The following CSMD1 variants were observed in gnomAD, a reference collection of about 807,000 sequenced individuals.
CSMD1 encodes the protein CUB and Sushi multiple domains 1, also known as CUB and sushi domain-containing protein 1.
Under a neutral mutation model 417.5 loss-of-function variants are expected in CSMD1, and 213 were observed. The ratio of observed to expected loss-of-function variants is 0.51; its 90% CI spans 0.46 to 0.57. The LOEUF (loss-of-function observed/expected upper bound fraction) is 0.57. Ranked by LOEUF, CSMD1 falls within the 20% of genes least tolerant of loss-of-function variation. The pLI is 0.00. For synonymous variants in CSMD1, 2,862 were observed against 1,736.8 expected (o/e 1.65, Z -16.11); for missense variants, 6,923 against 4,529.7 (o/e 1.53, Z -15.17).
At chr8:3,265,135 G>C (rs191274261) in intron 26 of CSMD1, among the ~76,000 whole-genome samples, 142 of 152,200 alleles carry the variant, frequency 9.3e-4, no homozygotes, top group African/African-American at 3.3e-3. Context: ...TATTAGAGCA[G>C]AGATATTAAA....
chr8:3,403,701 T>C (rs1038433788), intron 15 of CSMD1, among the ~76,000 whole-genome samples: 3 of 152,296 alleles, frequency 2.0e-5, no homozygotes, highest in African/African-American at 7.2e-5. Flanking sequence ...TTCTTTCTCC[T>C]GAAAATTCAT....
At position 4,907,570 on chromosome 8, in the gene CSMD1, G is replaced by A. The variant is rs117404406; in HGVS notation, c.85+86762C>T. On this transcript the variant is annotated intron_variant, in intron 1 of 69. Transcript: ENST00000635120. ...TGTTTCTTTTTGTTGTTGTTTTATT[G>A]GTTTTTTGAGACAGGTTTTCACTCT... is the stretch of plus-strand genomic sequence containing the variant. Among the ~76,000 whole-genome samples the A allele has an allele frequency of 2.1e-3, 316 of 151,942 alleles. 9 individuals are homozygous for A. In the East Asian group the frequency reaches 0.027, roughly 13 times the overall value.
intron 3 of CSMD1, among the ~76,000 whole-genome samples, chr8:4,094,343 G>C (rs984072436): frequency 1.3e-5 from 2 of 152,140 alleles, no homozygotes; most frequent in Non-Finnish European, 2.9e-5. Flanking sequence ...AGGTGGCTGT[G>C]AGCTGGACTC....
At chr8:3,233,230 T>C (rs1798949439) in intron 26 of CSMD1, among the ~76,000 whole-genome samples, 1 of 152,118 alleles carries the variant, frequency 6.6e-6, no homozygotes, top group Non-Finnish European at 1.5e-5. Context: ...TAAGAGGTGA[T>C]TGTATTAATC....
rs141354561 is a variant in CSMD1, at chr8:3,490,629, C to A, written c.1448+2994G>T. ...AAGTTTATTATACATATTTTATAGC[C>A]AGGAAAAGACAGGCAGAGAGAAGGA... On this transcript the variant is annotated intron_variant, in intron 11 of 69. Transcript: ENST00000635120. 1.7e-3 allele frequency among the ~76,000 whole-genome samples: 255 copies of A among 152,066 alleles called. 2 individuals carry two copies. Among genetic ancestry groups the A allele is most frequent in the African/African-American group, 5.5e-3 (228 of 41,470 alleles).
chr8:3,915,002 T>C (rs1317929246), intron 5 of CSMD1, among the ~76,000 whole-genome samples: 3 of 152,122 alleles, frequency 2.0e-5, no homozygotes, highest in African/African-American at 4.8e-5. Context: ...TTCACACACA[T>C]ACAAGTGTTC....
Position 4,139,647 on chromosome 8 carries a change from T to C in CSMD1, c.416-107548A>G, listed in dbSNP as rs1264105974. Among the ~76,000 whole-genome samples the C allele has an allele frequency of 3.3e-5, 5 of 151,116 alleles. 1 individual carries two copies. The highest frequency in any genetic ancestry group is 1.2e-4 in the African/African-American group (5 of 40,458). The stretch of plus-strand genomic sequence containing the variant: ...CATTTGGAATAGTGGGACCAGCAGA[T>C]GCAAGGGCAAAGGGATGCCAAACAG... On this transcript the variant is annotated intron_variant, in intron 3 of 69. Coordinates refer to ENST00000635120, the MANE Select transcript of CSMD1 (RefSeq NM_033225.6).
At chr8:4,449,053 C>T (rs933599774) in intron 2 of CSMD1, among the ~76,000 whole-genome samples, 3 of 152,184 alleles carry the variant, frequency 2.0e-5, no homozygotes, top group African/African-American at 4.8e-5. Context: ...AAAAGGCCCA[C>T]AGAAGGATGC....
intron 2 of CSMD1, among the ~76,000 whole-genome samples, chr8:4,601,251 T>C (rs1203918831): frequency 6.6e-6 from 1 of 152,198 alleles, no homozygotes; most frequent in African/African-American, 2.4e-5. Flanking sequence ...CCACCGCACC[T>C]GGCCAGATTT....
chr8:3,740,344 G>A (rs1259369484), intron 6 of CSMD1, among the ~76,000 whole-genome samples: 1 of 152,164 alleles, frequency 6.6e-6, no homozygotes, highest in Non-Finnish European at 1.5e-5. Flanking sequence ...TAACTCAAAT[G>A]ATCCGCCTTC....
At chr8:3,318,332 C>G (rs1584991160) in intron 23 of CSMD1, among the ~76,000 whole-genome samples, 1 of 152,174 alleles carries the variant, frequency 6.6e-6, no homozygotes, top group African/African-American at 2.4e-5. Context: ...GAACATAAAT[C>G]TGGAGTAGCA....
At chr8:3,280,661 T>C (rs923484464) in intron 26 of CSMD1, among the ~76,000 whole-genome samples, 1 of 152,210 alleles carries the variant, frequency 6.6e-6, no homozygotes, top group Non-Finnish European at 1.5e-5. Context: ...AATCATTTTT[T>C]ACGTATAAAA....
At chr8:3,138,514 G>A (rs745865779) in intron 41 of CSMD1, among the ~76,000 whole-genome samples, 10 of 152,206 alleles carry the variant, frequency 6.6e-5, no homozygotes, top group South Asian at 2.1e-4. Flanking sequence ...GGGAATGCTC[G>A]TGACCAGCAC....
At chr8:4,979,420 G>A (rs552396569) in intron 1 of CSMD1, among the ~76,000 whole-genome samples, 169 of 152,196 alleles carry the variant, frequency 1.1e-3, no homozygotes, top group African/African-American at 3.9e-3. Flanking sequence ...GAGGAGAGAC[G>A]GAACTCGAGC....
At chr8:3,777,111 T>A (rs1798932620) in intron 5 of CSMD1, among the ~76,000 whole-genome samples, 1 of 93,930 alleles carries the variant, frequency 1.1e-5, no homozygotes, top group South Asian at 4.8e-4. Context: ...CTATATTAGC[T>A]ATCTATACCT....
intron 3 of CSMD1, among the ~76,000 whole-genome samples, chr8:4,201,815 T>G (rs924998359): frequency 6.7e-6 from 1 of 149,222 alleles, no homozygotes; most frequent in Non-Finnish European, 1.5e-5. Context: ...CTGTTCAAAT[T>G]CTTCAGTGCT....
chr8:4,286,101 G>C (rs1797042606), intron 3 of CSMD1, among the ~76,000 whole-genome samples: 1 of 152,090 alleles, frequency 6.6e-6, no homozygotes, highest in Non-Finnish European at 1.5e-5. Context: ...TATTCTTTAT[G>C]TGACCGTTCA....
At chr8:3,425,323 C>A (rs1398855590) in intron 12 of CSMD1, among the ~76,000 whole-genome samples, 2 of 151,488 alleles carry the variant, frequency 1.3e-5, no homozygotes, top group South Asian at 2.1e-4. Context: ...GGCAAGGTGG[C>A]TCACGCCTGT....
intron 12 of CSMD1, among the ~76,000 whole-genome samples, chr8:3,428,192 A>G (rs1585150282): frequency 6.6e-6 from 1 of 152,034 alleles, no homozygotes; most frequent in Middle Eastern, 3.4e-3. Flanking sequence ...CCTAAAAGTG[A>G]TATGTGAGCT....
Sources: gnomAD v4.1 joint callset for allele counts (sites outside exome capture counted in the v4.1 genomes callset) on GRCh38, gnomAD v4.1.1 for gene constraint, MANE v1.5 for transcripts, NCBI Gene and HGNC (gene_info 2026-07-23, HGNC 2026-07-21) for gene names.